Variants in HOMER2 observed in about 807,000 individuals in gnomAD.
HOMER2 encodes the protein homer protein homolog 2.
Under a neutral mutation model 47.0 loss-of-function variants are expected in HOMER2, and 27 were observed. The ratio of observed to expected loss-of-function variants is 0.57; its 90% CI spans 0.42 to 0.79. The LOEUF is 0.79. HOMER2 is among the 30% of genes least tolerant of loss of function. HOMER2 has a pLI of 0.00. For missense variants in HOMER2, 443 were observed against 435.0 expected (o/e 1.02, Z -0.16); for synonymous variants, 161 against 163.8 (o/e 0.98, Z 0.13).
intron 1 of HOMER2, among the ~76,000 whole-genome samples, chr15:82,979,407 G>C (rs2030317089): frequency 6.6e-6 from 1 of 152,110 alleles, no homozygotes; most frequent in Non-Finnish European, 1.5e-5. Flanking sequence ...AAGCTACTCT[G>C]AGCTAGCCGA....
At chr15:82,930,853 C>A (rs2053988254) in intron 1 of HOMER2, among the ~76,000 whole-genome samples, 3 of 152,062 alleles carry the variant, frequency 2.0e-5, no homozygotes, top group Non-Finnish European at 4.4e-5. Context: ...TAATGAAACC[C>A]CGTCTCTACT....
At chr15:82,978,910 C>T (rs544728222) in intron 1 of HOMER2, among the ~76,000 whole-genome samples, 16 of 152,044 alleles carry the variant, frequency 1.1e-4, no homozygotes, top group Middle Eastern at 3.2e-3. Context: ...TAGTAGAGAC[C>T]GGGTTTCACC....
intron 1 of HOMER2, among the ~76,000 whole-genome samples, chr15:82,963,504 T>A (rs2054648818): frequency 6.6e-6 from 1 of 152,132 alleles, no homozygotes; most frequent in Non-Finnish European, 1.5e-5. Context: ...TACTACTGAG[T>A]AAGAGCCTTT....
At chr15:82,922,886 T>A (rs1406414107) in intron 1 of HOMER2, among the ~76,000 whole-genome samples, 1 of 152,152 alleles carries the variant, frequency 6.6e-6, no homozygotes, top group Non-Finnish European at 1.5e-5. Context: ...GAGCTGTGCC[T>A]TCCTCCAGAA....
At chr15:82,959,132 A>C (rs2054609785) in exon 2 of HOMER2, 1 of 152,432 alleles carries the variant, frequency 6.6e-6, no homozygotes, top group Non-Finnish European at 1.5e-5. Flanking sequence ...GGTCAAGCCA[A>C]AGTCTCCGAA....
chr15:82,899,726 T>C (rs1201892453), intron 1 of HOMER2, among the ~76,000 whole-genome samples: 1 of 151,826 alleles, frequency 6.6e-6, no homozygotes, highest in Non-Finnish European at 1.5e-5. Context: ...AGATAGAAAA[T>C]ATAACAGATT....
rs2051186289 is a variant in HOMER2 at position 82,842,469 on chromosome 15, T to TG, written c.*4804_*4805insC. The TG allele has an allele frequency of 2.9e-5, 3 of 103,600 alleles. No individual in the cohort carries two copies. The Admixed American group carries it at 3.4e-4, about 12-fold the overall frequency. The allele number at this position is 103,600 out of a possible 1,614,324, so 6.4% of individuals were successfully genotyped here. ...ATCACCACAGCCAGCTAATTTTTTT[T>TG]TTTTTTTTTTTTTTTTGTATTTTTA... On this transcript the variant is annotated 3_prime_UTR_variant, in exon 2 of 2. Transcript: ENST00000558090.
At chr15:82,939,678 C>CA (rs2054219978) in intron 1 of HOMER2, among the ~76,000 whole-genome samples, 2 of 151,674 alleles carry the variant, frequency 1.3e-5, no homozygotes, top group South Asian at 2.1e-4. Flanking sequence ...TCAACAACAA[C>CA]AAAAAAAAGA....
intron 1 of HOMER2, among the ~76,000 whole-genome samples, chr15:82,906,378 A>G (rs1281078387): frequency 6.6e-6 from 1 of 152,212 alleles, no homozygotes; most frequent in Non-Finnish European, 1.5e-5. Flanking sequence ...AAATACACAA[A>G]AGACAGAGAT....
At chr15:82,856,755 C>T (rs1259910558) in intron 5 of HOMER2, among the ~76,000 whole-genome samples, 1 of 152,192 alleles carries the variant, frequency 6.6e-6, no homozygotes, top group Non-Finnish European at 1.5e-5. Flanking sequence ...CTAAGGGTCA[C>T]ATGTGCTTTC....
chr15:82,920,474 C>G (rs965557435), intron 1 of HOMER2, among the ~76,000 whole-genome samples: 2 of 152,184 alleles, frequency 1.3e-5, no homozygotes, highest in African/African-American at 4.8e-5. Context: ...TCCAGAGGCT[C>G]TAGGGTTGGA....
At chr15:82,880,098 G>A (rs2052473546) in intron 2 of HOMER2, among the ~76,000 whole-genome samples, 1 of 152,012 alleles carries the variant, frequency 6.6e-6, no homozygotes, top group Non-Finnish European at 1.5e-5. Context: ...TTAGGGCAGG[G>A]GTCAGCAAAC....
intron 1 of HOMER2, among the ~76,000 whole-genome samples, chr15:82,934,288 TC>T (rs1416013048): frequency 6.6e-6 from 1 of 151,992 alleles, no homozygotes; most frequent in African/African-American, 2.4e-5. Context: ...GGGCTTCAGC[TC>T]CTGGCCCAGC....
chr15:82,920,336 G>A (rs1415241807), intron 1 of HOMER2, among the ~76,000 whole-genome samples: 1 of 152,196 alleles, frequency 6.6e-6, no homozygotes, highest in African/African-American at 2.4e-5. Flanking sequence ...TCCTAGGGCT[G>A]CTGTACCAAA....
intron 1 of HOMER2, among the ~76,000 whole-genome samples, chr15:82,969,239 GT>G (rs993242218): frequency 2.0e-5 from 3 of 152,164 alleles, no homozygotes; most frequent in African/African-American, 7.2e-5. Context: ...CTGCCATGAT[GT>G]TTGATCTCCA....
At chr15:82,923,445 C>T (rs1034401793) in intron 1 of HOMER2, among the ~76,000 whole-genome samples, 1 of 150,484 alleles carries the variant, frequency 6.6e-6, no homozygotes, top group Non-Finnish European at 1.5e-5. Flanking sequence ...TGAGATCACG[C>T]CATTGCACTC....
chr15:82,979,783 T>C (rs553288163), intron 1 of HOMER2, among the ~76,000 whole-genome samples: 12 of 152,028 alleles, frequency 7.9e-5, no homozygotes, highest in African/African-American at 2.9e-4. Context: ...GAAAGAGAGG[T>C]AGATAAACAG....
At chr15:82,876,326 T>G (rs1421572254) in intron 2 of HOMER2, among the ~76,000 whole-genome samples, 1 of 152,242 alleles carries the variant, frequency 6.6e-6, no homozygotes, top group African/African-American at 2.4e-5. Flanking sequence ...CACATGGTAC[T>G]TTTATTCATT....
At chr15:82,848,180 G>A (rs969977853), downstream of HOMER2, among the ~76,000 whole-genome samples, 1 of 152,180 alleles carries the variant, frequency 6.6e-6, no homozygotes, top group Non-Finnish European at 1.5e-5. Flanking sequence ...AGGAGGACTC[G>A]TGTTCACCTT....
Sources: gnomAD v4.1 joint callset for allele counts (sites outside exome capture counted in the v4.1 genomes callset) on GRCh38, gnomAD v4.1.1 for gene constraint, MANE v1.5 for transcripts, NCBI Gene and HGNC (gene_info 2026-07-23, HGNC 2026-07-21) for gene names.